The following AGPS variants were observed in gnomAD, a reference collection of about 807,000 sequenced individuals.
AGPS encodes the protein alkyldihydroxyacetonephosphate synthase, peroxisomal.
A neutral mutation model predicts 90.7 loss-of-function variants in AGPS; 26 were observed. That is an observed-to-expected ratio of 0.29 (90% CI 0.21 to 0.40). The LOEUF is 0.40. Ranked by LOEUF, AGPS falls within the 10% of genes least tolerant of loss-of-function variation. The pLI, the probability that AGPS is intolerant of heterozygous loss-of-function variation, is 1.00. For missense variants in AGPS, 540 were observed against 816.1 expected, an observed-to-expected ratio of 0.66 and a Z score of 4.12; for synonymous variants, 294 against 285.3, an observed-to-expected ratio of 1.03 and a Z score of -0.31.
At chr2:177,468,730 C>T (rs1011363605) in intron 10 of AGPS, among the ~76,000 whole-genome samples, 3 of 151,860 alleles carry the variant, frequency 2.0e-5, no homozygotes, top group Non-Finnish European at 4.4e-5. Context: ...TTTTATGTTT[C>T]TAGAGACAGC....
chr2:177,448,642 T>C (rs1269132149), intron 8 of AGPS, among the ~76,000 whole-genome samples: 1 of 152,182 alleles, frequency 6.6e-6, no homozygotes, highest in African/African-American at 2.4e-5. Context: ...TTTGAAGTCA[T>C]AGATTTTTGT....
At chr2:177,409,755 C>T (rs919146006) in intron 1 of AGPS, among the ~76,000 whole-genome samples, 4 of 152,054 alleles carry the variant, frequency 2.6e-5, no homozygotes, top group African/African-American at 9.7e-5. Context: ...TAGGGGTCCG[C>T]AGTAGTTCAA....
At chr2:177,406,243 C>T (rs1280958933) in intron 1 of AGPS, among the ~76,000 whole-genome samples, 1 of 152,172 alleles carries the variant, frequency 6.6e-6, no homozygotes, top group African/African-American at 2.4e-5. Context: ...TTAAATGATT[C>T]TTCATTCTAT....
chr2:177,444,501 A>G (rs968214401), intron 7 of AGPS, among the ~76,000 whole-genome samples: 3 of 152,130 alleles, frequency 2.0e-5, no homozygotes, highest in African/African-American at 7.2e-5. Context: ...TATGTAACAT[A>G]AAACTAAAAG....
At chr2:177,434,997 G>GGTATATATATATATATA (rs36151985) in intron 3 of AGPS, among the ~76,000 whole-genome samples, 1 of 128,160 alleles carries the variant, frequency 7.8e-6, no homozygotes, top group Non-Finnish European at 1.6e-5. Context: ...TAAACTGTAG[G>GGTATATATATATATATA]TATATATATA....
chr2:177,394,423 A>G (rs1380549150), intron 1 of AGPS, among the ~76,000 whole-genome samples: 1 of 152,238 alleles, frequency 6.6e-6, no homozygotes, highest in Non-Finnish European at 1.5e-5. Context: ...TACAAACAGT[A>G]TGTTCACAGG....
At chr2:177,468,032 C>T (rs1328016996) in intron 9 of AGPS, among the ~76,000 whole-genome samples, 1 of 152,056 alleles carries the variant, frequency 6.6e-6, no homozygotes, top group Non-Finnish European at 1.5e-5. Flanking sequence ...GTGTCTAGAG[C>T]AGTGCCTGAC....
chr2:177,396,385 A>G lies in AGPS; in HGVS notation c.260+3336A>G, dbSNP rs1048753676. 5.9e-5 allele frequency among the ~76,000 whole-genome samples: 9 copies of G among 152,300 alleles called. No individual in the cohort carries two copies. The South Asian group carries it at 8.3e-4, about 14-fold the overall frequency. Reference sequence around the variant, plus strand: ...ACAAAAACTCTGCCCTATGGAACTTATATTCTAGCTGGAGTGGAGACAGTG... The same window carrying G: ...ACAAAAACTCTGCCCTATGGAACTTGTATTCTAGCTGGAGTGGAGACAGTG... On this transcript the variant is annotated intron_variant, in intron 1 of 19. Coordinates refer to ENST00000264167, the MANE Select transcript of AGPS (RefSeq NM_003659.4).
At chr2:177,458,063 A>C (rs1489037813) in intron 8 of AGPS, among the ~76,000 whole-genome samples, 1 of 152,252 alleles carries the variant, frequency 6.6e-6, no homozygotes, top group Non-Finnish European at 1.5e-5. Flanking sequence ...GTAATCCATC[A>C]CATAAACAGA....
In AGPS at chr2:177,482,045, C is replaced by T; in HGVS notation, c.1106-14C>T. The stretch of plus-strand genomic sequence containing the variant: ...CATGTGATGTACTGGATTATTCCCC[C>T]TTCTTTTTTTCAGGAACTCTTGGTG... On this transcript the variant is annotated splice_polypyrimidine_tract_variant and intron_variant, in intron 10 of 19. Transcript: ENST00000264167. 2 of 1,591,018 alleles carry T rather than the reference C, an allele frequency of 1.3e-6. No homozygotes were observed. Among genetic ancestry groups the T allele is most frequent in the African/African-American group, 1.3e-5 (1 of 74,420 alleles).
At position 177,462,654 on chromosome 2, in the gene AGPS, C is replaced by A. The variant is rs1185274620; in HGVS notation, c.996+636C>A. Among the ~76,000 whole-genome samples the A allele has an allele frequency of 2.7e-5, 4 of 150,210 alleles. No individual in the cohort carries two copies. The East Asian group carries it at 7.7e-4, about 29-fold the overall frequency. On this transcript the variant is annotated intron_variant, in intron 9 of 19. Transcript: ENST00000264167. ...TCCACAAATTCAACCAAATGCAGCT[C>A]AAAAATATTTGGAAAAAAAAATAAC...
Position 177,490,871 on chromosome 2 carries a change from T to TA in AGPS, c.1234-2274dup, listed in dbSNP as rs1553516096. Among the ~76,000 whole-genome samples, 924 of 135,010 alleles carry TA rather than the reference T, an allele frequency of 6.8e-3. 7 individuals are homozygous for TA. The highest frequency in any genetic ancestry group is 0.014 in the African/African-American group (505 of 37,298). The allele number at this position is 135,010 out of a possible 152,430, so 88.6% of individuals were successfully genotyped here. ...CTTTTTTTTTTTTTTTTTTTTTTTT[T>TA]AAAGACAGAGTTTTGCTTTTGTTGC... On this transcript the variant is annotated intron_variant, in intron 11 of 19. Coordinates refer to ENST00000264167, the MANE Select transcript of AGPS (RefSeq NM_003659.4).
In AGPS at chr2:177,494,957, G is replaced by A. The variant is rs552486111; in HGVS notation, c.1285+1758G>A. On this transcript the variant is annotated intron_variant, in intron 12 of 19. Coordinates refer to ENST00000264167, the MANE Select transcript of AGPS (RefSeq NM_003659.4). ...AGGTGCCCCAGACCCTGCACTAACC[G>A]TATGGCTGATTGGTCGGTGTTTATA... is the stretch of plus-strand genomic sequence containing the variant. 1.6e-4 allele frequency among the ~76,000 whole-genome samples: 24 copies of A among 152,226 alleles called. 1 individual carries two copies. The South Asian group carries it at 2.1e-3, about 13-fold the overall frequency.
intron 2 of AGPS, among the ~76,000 whole-genome samples, chr2:177,424,984 T>G (rs1169363677): frequency 6.6e-6 from 1 of 152,238 alleles, no homozygotes; most frequent in South Asian, 2.1e-4. Context: ...TAGACCTTTG[T>G]CAGATGCTCC....
rs143402829 is a variant in AGPS, at chr2:177,410,923, G to A, written c.261-9346G>A. Among the ~76,000 whole-genome samples the A allele has an allele frequency of 3.0e-3, 452 of 152,282 alleles. 2 individuals are homozygous for A. The highest frequency in any genetic ancestry group is 4.8e-3 in the Non-Finnish European group (327 of 68,016). ...CCCTTGACATAAGGGGCATGGACGA[G>A]GGGGTAGCTTATTTCTATTCGGACA... is the stretch of plus-strand genomic sequence containing the variant. On this transcript the variant is annotated intron_variant, in intron 1 of 19. Coordinates refer to ENST00000264167, the MANE Select transcript of AGPS (RefSeq NM_003659.4).
intron 2 of AGPS, among the ~76,000 whole-genome samples, chr2:177,423,734 A>G (rs1166995780): frequency 1.3e-5 from 2 of 152,220 alleles, no homozygotes; most frequent in East Asian, 3.8e-4. Context: ...AGAAGCTATT[A>G]TAGAATAACA....
At chr2:177,513,035 A>G (rs541863515) in intron 16 of AGPS, among the ~76,000 whole-genome samples, 3 of 151,896 alleles carry the variant, frequency 2.0e-5, no homozygotes, top group Admixed American at 6.6e-5. Flanking sequence ...AGTAGAGACA[A>G]GGTCTCACTA....
At chr2:177,509,663 C>T (rs1220067714) in intron 16 of AGPS, among the ~76,000 whole-genome samples, 8 of 54,416 alleles carry the variant, frequency 1.5e-4, no homozygotes, top group African/African-American at 4.3e-4. Context: ...GAGACTCCAT[C>T]TCAAAAAAAA....
intron 17 of AGPS, among the ~76,000 whole-genome samples, chr2:177,521,017 C>G (rs1689169406): frequency 6.6e-6 from 1 of 152,130 alleles, no homozygotes; most frequent in African/African-American, 2.4e-5. Context: ...GAATATGTAC[C>G]TATAATATTG....
Sources: gnomAD v4.1 joint callset for allele counts (sites outside exome capture counted in the v4.1 genomes callset) on GRCh38, gnomAD v4.1.1 for gene constraint, MANE v1.5 for transcripts, NCBI Gene and HGNC (gene_info 2026-07-23, HGNC 2026-07-21) for gene names.